The following C3orf38 variants were observed in gnomAD, a reference collection of about 807,000 sequenced individuals.
C3orf38 encodes the protein uncharacterized protein C3orf38.
A neutral mutation model predicts 28.3 loss-of-function variants in C3orf38; 18 were observed. That is an observed-to-expected ratio of 0.64 (90% CI 0.44 to 0.94). C3orf38 has a LOEUF of 0.94. Among genes scored for constraint, C3orf38 ranks in the 40% least tolerant of loss-of-function variants. The pLI is 0.00. For synonymous variants in C3orf38, 145 were observed against 138.1 expected (o/e 1.05, Z -0.35); for missense variants, 364 against 396.4 (o/e 0.92, Z 0.69).
intron 1 of C3orf38, chr3:88,151,010 G>T (rs1010238807): frequency 1.8e-4 from 27 of 152,256 alleles, no homozygotes; most frequent in African/African-American, 5.8e-4. Context: ...ACCGAAAATA[G>T]CTTTAGACTT....
At position 88,156,827 on chromosome 3, in the gene C3orf38, C is replaced by A; in HGVS notation, c.*192C>A. 1 of 588,944 alleles carries A rather than the reference C, an allele frequency of 1.7e-6. No individual in the cohort carries two copies. The highest frequency in any genetic ancestry group is 2.9e-6 in the Non-Finnish European group (1 of 348,304). The allele number at this position is 588,944 out of a possible 1,614,324, so 36.5% of individuals were successfully genotyped here. On this transcript the variant is annotated 3_prime_UTR_variant, in exon 3 of 3. Coordinates refer to ENST00000318887, the MANE Select transcript of C3orf38 (RefSeq NM_173824.4). ...TTGAAATACCTTTCTGGACTACAGA[C>A]TTACATATCATGTGAATACTTACCT...
At chr3:88,155,927 T>G (rs1169119237) in intron 2 of C3orf38, 94 bp from the exon 3 acceptor site, 1 of 944,866 alleles carries the variant, frequency 1.1e-6, no homozygotes, top group Non-Finnish European at 1.5e-6. Context: ...TCTGGTGTAA[T>G]GGGTTCATTC....
At chr3:88,154,765 A>G (rs1707457909) in intron 2 of C3orf38, among the ~76,000 whole-genome samples, 1 of 152,254 alleles carries the variant, frequency 6.6e-6, no homozygotes, top group Non-Finnish European at 1.5e-5. Context: ...GCAGGTGCTC[A>G]GTAAACCTAA....
At position 88,150,205 on chromosome 3, in the gene C3orf38, C is replaced by G. The variant is rs1430589210; in HGVS notation, c.133+20C>G. The G allele has an allele frequency of 6.2e-7, 1 of 1,612,628 alleles. No individual in the cohort carries two copies. The highest frequency in any genetic ancestry group is 8.5e-7 in the Non-Finnish European group (1 of 1,179,564). ...GCCAAGGTAAGGGCGGACCCTTCAC[C>G]TAGAAGGCTGCCGCCCCTTCCCCGG... On this transcript the variant is annotated intron_variant, in intron 1 of 2. Transcript: ENST00000318887.
Position 88,156,529 on chromosome 3 carries a change from A to C in C3orf38, c.884A>C (p.Gln295Pro), listed in dbSNP as rs765619565. ...TLPKPSVKFE[Q>P]SDLEAFYNVI... ...CCGAAACCATCTGTTAAATTTGAAC[A>C]AAGTGATCTAGAGGCCTTTTATAAT... The change falls in exon 3 of 3, where the codon CAA becomes CCA. Residue 295 changes from glutamine to proline, a missense_variant. By Grantham distance (76) the Gln-to-Pro change is moderately conservative (BLOSUM62 -1). Transcript: ENST00000318887. 13 of 1,614,094 alleles carry C rather than the reference A, an allele frequency of 8.1e-6. No individual in the cohort carries two copies. In the African/African-American group the frequency reaches 1.7e-4, roughly 22 times the overall value.
At chr3:88,153,010 A>C (rs1707435852) in intron 1 of C3orf38, among the ~76,000 whole-genome samples, 1 of 152,214 alleles carries the variant, frequency 6.6e-6, no homozygotes, top group Non-Finnish European at 1.5e-5. Context: ...ACTTATGGGA[A>C]GTGAACAGAA....
chr3:88,150,527 T>G lies in C3orf38; in HGVS notation c.133+342T>G, dbSNP rs111245307. The G allele has an allele frequency of 9.4e-3, 1,592 of 169,508 alleles. 24 individuals carry two copies. The highest frequency in any genetic ancestry group is 0.035 in the African/African-American group (1,489 of 42,284). The allele number at this position is 169,508 out of a possible 1,614,324, so 10.5% of individuals were successfully genotyped here. A position where few individuals can be genotyped will look rare whatever the true frequency, so the allele number is the denominator to read the frequency against. ...TGAAGAGTCAGCTGCTGCTCGGGCT[T>G]TTTTCTTCAAGTTTGAGTGGGAGGA... On this transcript the variant is annotated intron_variant, in intron 1 of 2. Coordinates refer to ENST00000318887, the MANE Select transcript of C3orf38 (RefSeq NM_173824.4).
rs762425735 is a variant in C3orf38, at chr3:88,153,287, G to C, written c.191G>C (p.Arg64Thr). The C allele has an allele frequency of 6.2e-7, 1 of 1,613,352 alleles. No individual in the cohort carries two copies. The highest frequency in any genetic ancestry group is 1.1e-5 in the South Asian group (1 of 91,038). Residue 64 changes from arginine (R) to threonine (T), a missense_variant, in exon 2 of 3, where the codon AGA becomes ACA. Coordinates refer to ENST00000318887, the MANE Select transcript of C3orf38 (RefSeq NM_173824.4). ...SQSAEELLRR[R>T]KVHREVIFKY... ...AGTGCAGAAGAACTTCTGAGGCGTA[G>C]AAAAGTCCACCGAGAAGTTATATTT... is the stretch of plus-strand genomic sequence containing the variant.
rs1707479348 is a variant in C3orf38 at position 88,156,337 on chromosome 3, T to G, written c.692T>G (p.Leu231Arg). The G allele has an allele frequency of 4.0e-5, 64 of 1,614,108 alleles. No individual in the cohort carries two copies. The highest frequency in any genetic ancestry group is 5.3e-5 in the Non-Finnish European group (62 of 1,180,042). The change falls in exon 3 of 3, where the codon CTG (leucine) becomes CGG (arginine). Residue 231 changes from leucine (L) to arginine (R), a missense_variant. Transcript: ENST00000318887. Reference protein sequence around the residue: ...GLKCASSPHGLVMVGVAGTVH... With the variant: ...GLKCASSPHGRVMVGVAGTVH... ...AAATGTGCATCTTCTCCTCATGGGC[T>G]GGTTATGGTTGGAGTTGCTGGGACT...
rs1307009154 is a variant in C3orf38 at position 88,153,337 on chromosome 3, G to T, written c.241G>T (p.Val81Phe). The T allele has an allele frequency of 6.2e-7, 1 of 1,613,900 alleles. No individual in the cohort carries two copies. The highest frequency in any genetic ancestry group is 2.2e-5 in the East Asian group (1 of 44,858). ...IFKYLATQGI[V>F]IPPATEKHNL... Reference sequence around the variant, plus strand: ...TAAGTACTTGGCAACACAGGGGATTGTTATACCTCCAGCTACTGAAAAACA... The same window carrying T: ...TAAGTACTTGGCAACACAGGGGATTTTTATACCTCCAGCTACTGAAAAACA... Residue 81 changes from valine to phenylalanine, a missense_variant, in exon 2 of 3, where the codon GTT becomes TTT. Val to Phe is a conservative substitution (Grantham distance 50, BLOSUM62 -1). Coordinates refer to ENST00000318887, the MANE Select transcript of C3orf38 (RefSeq NM_173824.4).
At chr3:88,154,467 A>G (rs1246658593) in intron 2 of C3orf38, among the ~76,000 whole-genome samples, 1 of 151,782 alleles carries the variant, frequency 6.6e-6, no homozygotes, top group Non-Finnish European at 1.5e-5. Flanking sequence ...TCCACTGTAC[A>G]TTTTAGATAC....
At chr3:88,152,256 AAAT>A (rs1433864991) in intron 1 of C3orf38, among the ~76,000 whole-genome samples, 1 of 151,410 alleles carries the variant, frequency 6.6e-6, no homozygotes, top group Non-Finnish European at 1.5e-5. Flanking sequence ...TCTCTACTAA[AAAT>A]AGAAAAATTA....
chr3:88,156,363 G>C lies in C3orf38; in HGVS notation c.718G>C (p.Val240Leu). ...GLVMVGVAGTVHRGNTCLGIF... is the reference protein window; with the variant it reads ...GLVMVGVAGTLHRGNTCLGIF... ...GGTTATGGTTGGAGTTGCTGGGACT[G>C]TCCATCGAGGAAACACTTGTTTGGG... Residue 240 changes from valine (V) to leucine (L), a missense_variant, in exon 3 of 3, where the codon GTC becomes CTC. Physicochemically the swap from Val to Leu is conservative, Grantham distance 32. Coordinates refer to ENST00000318887, the MANE Select transcript of C3orf38 (RefSeq NM_173824.4). 3 of 1,614,218 alleles carry C rather than the reference G, an allele frequency of 1.9e-6. No individual in the cohort carries two copies. The highest frequency in any genetic ancestry group is 2.5e-6 in the Non-Finnish European group (3 of 1,180,034).
chr3:88,151,114 T>G (rs1707405728), intron 1 of C3orf38: 2 of 152,118 alleles, frequency 1.3e-5, no homozygotes, highest in Admixed American at 1.3e-4. Context: ...AATGCTGCAT[T>G]TAATTATAGG....
At position 88,150,041 on chromosome 3, in the gene C3orf38, C is replaced by CG. The variant is rs746194084; in HGVS notation, c.-12_-11insG. ...ACATTGTTGCCGTTGTCTTTCCCCC[C>CG]CAGTCCCGGGGATGGAGATGTCGGG... On this transcript the variant is annotated 5_prime_UTR_variant, in exon 1 of 3. Transcript: ENST00000318887. 6.4e-5 allele frequency: 104 copies of CG among 1,613,902 alleles called. No individual in the cohort carries two copies. Among genetic ancestry groups the CG allele is most frequent in the Non-Finnish European group, 7.7e-5 (91 of 1,179,984 alleles).
At chr3:88,155,937 C>T (rs1170962918) in intron 2 of C3orf38, 84 bp from the exon 3 acceptor site, 4 of 1,135,040 alleles carry the variant, frequency 3.5e-6, no homozygotes, top group Non-Finnish European at 4.9e-6. Flanking sequence ...TGGGTTCATT[C>T]AAACTTAATA....
At chr3:88,152,242 C>T (rs1707423945) in intron 1 of C3orf38, among the ~76,000 whole-genome samples, 1 of 151,132 alleles carries the variant, frequency 6.6e-6, no homozygotes, top group South Asian at 2.1e-4. Flanking sequence ...ATGGTGAAAC[C>T]CCGTCTCTAC....
intron 1 of C3orf38, among the ~76,000 whole-genome samples, chr3:88,152,723 C>A (rs1416563587): frequency 6.8e-6 from 1 of 147,486 alleles, no homozygotes; most frequent in African/African-American, 2.5e-5. Flanking sequence ...CCCCTGTGCT[C>A]CAGCCTGGGC....
At chr3:88,154,611 A>G (rs953674538) in intron 2 of C3orf38, among the ~76,000 whole-genome samples, 1 of 152,180 alleles carries the variant, frequency 6.6e-6, no homozygotes, top group Non-Finnish European at 1.5e-5. Context: ...AAGAATCTTT[A>G]AGAGCTTTCT....
Sources: allele counts gnomAD v4.1 joint callset (sites outside exome capture counted in the v4.1 genomes callset), GRCh38; gene constraint gnomAD v4.1.1; transcripts MANE v1.5; gene names NCBI Gene and HGNC (gene_info 2026-07-23, HGNC 2026-07-21).